CHRDL1: variants seen among roughly 807,000 people sequenced by gnomAD.
CHRDL1 encodes chordin like 1, also known as chordin-like protein 1.
A neutral mutation model predicts 40.9 loss-of-function variants in CHRDL1; 19 were observed. That is an observed-to-expected ratio of 0.46 (90% CI 0.32 to 0.68). The LOEUF (loss-of-function observed/expected upper bound fraction) is 0.68, where lower values mean the gene tolerates loss of function less well. Ranked by LOEUF, CHRDL1 falls within the 30% of genes least tolerant of loss-of-function variation. The pLI, the probability that CHRDL1 is intolerant of heterozygous loss-of-function variation, is 0.03. For synonymous variants in CHRDL1, 136 were observed against 123.4 expected, an observed-to-expected ratio of 1.10 and a Z score of -0.68; for missense variants, 329 against 352.1, an observed-to-expected ratio of 0.93 and a Z score of 0.53.
intron 2 of CHRDL1, among the ~76,000 whole-genome samples, chrX:110,771,992 T>C (rs1417180358): frequency 8.9e-6 from 1 of 111,735 alleles, no homozygotes; most frequent in African/African-American, 3.2e-5. Context: ...AAATTGAATA[T>C]TGAAAGTGTA....
chrX:110,683,156 C>G (rs1201636067), intron 9 of CHRDL1, among the ~76,000 whole-genome samples: 1 of 107,258 alleles, frequency 9.3e-6, no homozygotes, highest in Non-Finnish European at 1.9e-5. Context: ...TCATCTTGCA[C>G]CACTACCTCC....
At chrX:110,781,283 A>G (rs2089937759) in intron 2 of CHRDL1, among the ~76,000 whole-genome samples, 1 of 111,490 alleles carries the variant, frequency 9.0e-6, no homozygotes. Flanking sequence ...TTCAGAAAGA[A>G]TCTGAGTATA....
chrX:110,695,123 G>T (rs895152966), intron 7 of CHRDL1, among the ~76,000 whole-genome samples: 1 of 110,972 alleles, frequency 9.0e-6, no homozygotes, highest in East Asian at 2.8e-4. Context: ...AGGAGGAAAA[G>T]ATGAGATTCG....
intron 2 of CHRDL1, among the ~76,000 whole-genome samples, chrX:110,783,364 T>G (rs34538785): frequency 0.024 from 2,701 of 112,043 alleles, 36 homozygotes; most frequent in Non-Finnish European, 0.039. Context: ...TTGAGCATGG[T>G]TGTCCAATAT....
rs745610798 is a variant in CHRDL1, at chrX:110,784,190, G to A, written c.94+7898C>T. On this transcript the variant is annotated intron_variant, in intron 2 of 11. Transcript: ENST00000372042. Reference sequence around the variant, plus strand: ...AAGGGCAAGATGTAGTAGTTAAGGGGAAAACGTTTCTTATTTCACTGACAA... The same window carrying A: ...AAGGGCAAGATGTAGTAGTTAAGGGAAAAACGTTTCTTATTTCACTGACAA... Among the ~76,000 whole-genome samples, 37 of 111,873 alleles carry A rather than the reference G, an allele frequency of 3.3e-4. 1 individual carries two copies. In the South Asian group the frequency reaches 0.013, roughly 40 times the overall value.
chrX:110,770,162 G>A lies in CHRDL1; in HGVS notation c.95-7355C>T, dbSNP rs558156501. Among the ~76,000 whole-genome samples, 19 of 112,293 alleles carry A rather than the reference G, an allele frequency of 1.7e-4. No homozygotes were observed. In the South Asian group the frequency reaches 6.7e-3, roughly 39 times the overall value. On this transcript the variant is annotated intron_variant, in intron 2 of 11. Coordinates refer to ENST00000372042, the MANE Select transcript of CHRDL1 (RefSeq NM_001143981.2). The stretch of plus-strand genomic sequence containing the variant: ...AACCCTGATAACCTTTTCAACATCT[G>A]TGAAATATTATGTTTCTCAAGTGGA...
At chrX:110,758,134 A>AC (rs1037714738) in intron 4 of CHRDL1, among the ~76,000 whole-genome samples, 11 of 106,065 alleles carry the variant, frequency 1.0e-4, no homozygotes, top group African/African-American at 3.8e-4. Context: ...AAAAAACAAA[A>AC]AAAAAAAAAA....
At chrX:110,788,024 G>A (rs750625452) in intron 2 of CHRDL1, among the ~76,000 whole-genome samples, 5 of 112,442 alleles carry the variant, frequency 4.4e-5, no homozygotes, top group South Asian at 3.7e-4. Context: ...TGAATGTTAC[G>A]CTCCTTTGAA....
intron 2 of CHRDL1, among the ~76,000 whole-genome samples, chrX:110,789,261 A>AT (rs1483581483): frequency 4.5e-5 from 5 of 111,869 alleles, no homozygotes; most frequent in African/African-American, 1.6e-4. Context: ...TTCTCCTATT[A>AT]AAATGGCCCC....
intron 7 of CHRDL1, among the ~76,000 whole-genome samples, 176 bp downstream of exon 7, chrX:110,700,478 A>G (rs2070488318): frequency 8.9e-6 from 1 of 111,958 alleles, no homozygotes; most frequent in South Asian, 3.8e-4. Context: ...CCAATTTTAC[A>G]GTGTACTTAA....
intron 4 of CHRDL1, among the ~76,000 whole-genome samples, chrX:110,747,346 C>T (rs753484070): frequency 9.3e-6 from 1 of 107,741 alleles, no homozygotes; most frequent in Admixed American, 1.0e-4. Context: ...GGTTTTGGTA[C>T]TGCTATTCTT....
intron 2 of CHRDL1, among the ~76,000 whole-genome samples, chrX:110,786,095 C>T (rs1173598071): frequency 8.9e-6 from 1 of 111,976 alleles, no homozygotes; most frequent in Non-Finnish European, 1.9e-5. Context: ...ATCAATACTG[C>T]TTGAGTGGGT....
intron 9 of CHRDL1, among the ~76,000 whole-genome samples, chrX:110,684,736 T>G (rs1433813935): frequency 1.8e-5 from 2 of 112,679 alleles, no homozygotes; most frequent in East Asian, 5.5e-4. Flanking sequence ...ATTTCCAGAT[T>G]GAATGCATGA....
chrX:110,754,291 C>T (rs1190377471), intron 4 of CHRDL1, among the ~76,000 whole-genome samples: 1 of 112,098 alleles, frequency 8.9e-6, no homozygotes, highest in African/African-American at 3.2e-5. Flanking sequence ...ATGTAAGATG[C>T]CTTTTTAAAC....
chrX:110,710,404 A>T (rs774780448), intron 6 of CHRDL1, among the ~76,000 whole-genome samples: 2 of 111,961 alleles, frequency 1.8e-5, no homozygotes, highest in Non-Finnish European at 3.8e-5. Flanking sequence ...GGAATTCCTT[A>T]TTTTTATTAT....
intron 4 of CHRDL1, among the ~76,000 whole-genome samples, chrX:110,731,670 A>G (rs1603204372): frequency 8.9e-6 from 1 of 111,955 alleles, no homozygotes; most frequent in South Asian, 3.7e-4. Flanking sequence ...AATGGATGAA[A>G]CTTGAAAAAT....
chrX:110,678,910 A>G (rs1333224473), intron 11 of CHRDL1, among the ~76,000 whole-genome samples: 1 of 111,311 alleles, frequency 9.0e-6, no homozygotes, highest in Non-Finnish European at 1.9e-5. Flanking sequence ...AAGTGCTTTC[A>G]TATAACACAG....
In CHRDL1 at chrX:110,782,430, C is replaced by T. The variant is rs189433231; in HGVS notation, c.94+9658G>A. On this transcript the variant is annotated intron_variant, in intron 2 of 11. Transcript: ENST00000372042. ...TAACCTTTACAGAATTCTGCCTCTC[C>T]TGCTACGTAGTTGGTAAGGTGCAGG... Among the ~76,000 whole-genome samples the T allele has an allele frequency of 7.5e-3, 840 of 112,363 alleles. 9 individuals carry two copies. The highest frequency in any genetic ancestry group is 0.026 in the African/African-American group (799 of 30,969).
intron 4 of CHRDL1, among the ~76,000 whole-genome samples, chrX:110,732,495 T>C (rs2071184018): frequency 8.9e-6 from 1 of 112,232 alleles, no homozygotes; most frequent in East Asian, 2.8e-4. Flanking sequence ...AGTCATCTGC[T>C]GCTCCAGCTG....
Sources: allele counts gnomAD v4.1 joint callset (sites outside exome capture counted in the v4.1 genomes callset), GRCh38; gene constraint gnomAD v4.1.1; transcripts MANE v1.5; gene names NCBI Gene and HGNC (gene_info 2026-07-23, HGNC 2026-07-21).